DPP6: variants seen among roughly 807,000 people sequenced by gnomAD.
DPP6 encodes dipeptidyl peptidase like 6.
DPP6 carries 69 observed loss-of-function variants against 122.6 expected under a neutral mutation model. The ratio of observed to expected loss-of-function variants is 0.56; its 90% CI spans 0.46 to 0.69. The LOEUF (loss-of-function observed/expected upper bound fraction) is 0.69, where lower values mean the gene tolerates loss of function less well. Ranked by LOEUF, DPP6 falls within the 30% of genes least tolerant of loss-of-function variation. The pLI, the probability that DPP6 is intolerant of heterozygous loss-of-function variation, is 0.00. For synonymous variants in DPP6, 418 were observed against 433.1 expected (o/e 0.97, Z 0.43); for missense variants, 928 against 1,116.9 (o/e 0.83, Z 2.41).
rs1319722999 is a variant in DPP6, at chr7:154,247,012, G to T, written c.243+193949G>T. Among the ~76,000 whole-genome samples, 4 of 152,262 alleles carry T rather than the reference G, an allele frequency of 2.6e-5. No homozygotes were observed. The East Asian group carries it at 5.8e-4, about 22-fold the overall frequency. The stretch of plus-strand genomic sequence containing the variant: ...AAATTTCTGCTCATCAAAAGACATT[G>T]CTAAAATGAATCATCAAGGGCCAGG... On this transcript the variant is annotated intron_variant, in intron 1 of 25. Transcript: ENST00000377770.
intron 1 of DPP6, among the ~76,000 whole-genome samples, chr7:154,304,586 T>C (rs1406246882): frequency 6.6e-6 from 1 of 151,690 alleles, no homozygotes; most frequent in African/African-American, 2.4e-5. Context: ...CCTCTCTCTC[T>C]CTCCCTGTCT....
chr7:154,704,427 G>T (rs1422811598), intron 7 of DPP6, among the ~76,000 whole-genome samples: 1 of 152,198 alleles, frequency 6.6e-6, no homozygotes, highest in African/African-American at 2.4e-5. Context: ...GGGTTTGAAA[G>T]GACTGACTTC....
chr7:154,023,696 G>A (rs1370371508), intron 1 of DPP6, among the ~76,000 whole-genome samples: 2 of 151,890 alleles, frequency 1.3e-5, no homozygotes, highest in African/African-American at 4.8e-5. Context: ...TGGCCAGGCT[G>A]GTCTCGAACT....
intron 1 of DPP6, among the ~76,000 whole-genome samples, chr7:154,125,132 C>T (rs570026917): frequency 1.3e-5 from 2 of 152,278 alleles, no homozygotes; most frequent in Admixed American, 6.5e-5. Context: ...ACTAAAATGT[C>T]ACTAGGAGCA....
At chr7:153,766,586 ACT>A in the DPP6 span, among the ~76,000 whole-genome samples, 460 of 152,184 alleles carry the variant, frequency 3.0e-3, no homozygotes, top group African/African-American at 0.011. Flanking sequence ...TACAAGAGTG[ACT>A]CTAATAAAGA....
At chr7:153,930,673 T>G (rs1384587503) in intron 1 of DPP6, among the ~76,000 whole-genome samples, 3 of 152,190 alleles carry the variant, frequency 2.0e-5, no homozygotes, top group Non-Finnish European at 2.9e-5. Flanking sequence ...GCATAAAACA[T>G]GAGTGGTTCA....
chr7:154,807,575 C>G (rs1040487590), intron 16 of DPP6, among the ~76,000 whole-genome samples: 1 of 152,194 alleles, frequency 6.6e-6, no homozygotes, highest in African/African-American at 2.4e-5. Flanking sequence ...AATCCCAGCG[C>G]TTTGGGAGGC....
intron 7 of DPP6, among the ~76,000 whole-genome samples, chr7:154,688,116 G>T (rs1363335720): frequency 6.6e-6 from 1 of 152,186 alleles, no homozygotes; most frequent in Non-Finnish European, 1.5e-5. Context: ...TGGGCATGCT[G>T]CTCCTAAGAG....
upstream of DPP6, among the ~76,000 whole-genome samples, chr7:154,047,787 G>C (rs550839702): frequency 6.6e-6 from 1 of 152,240 alleles, no homozygotes; most frequent in South Asian, 2.1e-4. Context: ...CCAGAGAAGG[G>C]ACATGCATGA....
At chr7:154,591,345 C>G (rs569924465) in intron 5 of DPP6, among the ~76,000 whole-genome samples, 62 of 152,252 alleles carry the variant, frequency 4.1e-4, no homozygotes, top group African/African-American at 1.4e-3. Flanking sequence ...TGATGAGTAA[C>G]TGATGGTGAG....
the DPP6 span, among the ~76,000 whole-genome samples, chr7:153,874,356 A>C: frequency 6.6e-6 from 1 of 152,180 alleles, no homozygotes; most frequent in African/African-American, 2.4e-5. Context: ...GTAAAACTAA[A>C]TCATAAAATA....
chr7:153,928,224 T>G (rs1332105026), intron 1 of DPP6, among the ~76,000 whole-genome samples: 3 of 150,718 alleles, frequency 2.0e-5, no homozygotes, highest in Admixed American at 6.6e-5. Flanking sequence ...TTTCTTTTTT[T>G]TTTTTGAGAT....
Position 154,754,448 on chromosome 7 carries a change from A to G in DPP6, c.884-14969A>G, listed in dbSNP as rs187556154. 1.7e-3 allele frequency among the ~76,000 whole-genome samples: 255 copies of G among 152,356 alleles called. 3 individuals carry two copies. The highest frequency in any genetic ancestry group is 0.01 in the Middle Eastern group (3 of 294). The stretch of plus-strand genomic sequence containing the variant: ...GTCTAATTAGGATTCTAATTTCACA[A>G]TCTCAATTATTTTTAACTTTCTGGT... On this transcript the variant is annotated intron_variant, in intron 8 of 25. Transcript: ENST00000377770.
At chr7:154,293,368 C>T (rs1386293964) in intron 1 of DPP6, among the ~76,000 whole-genome samples, 1 of 152,118 alleles carries the variant, frequency 6.6e-6, no homozygotes, top group East Asian at 1.9e-4. Flanking sequence ...CAGTGATCCC[C>T]AAGTGTTTTA....
At chr7:153,981,219 T>C (rs1796567241) in intron 1 of DPP6, among the ~76,000 whole-genome samples, 1 of 152,234 alleles carries the variant, frequency 6.6e-6, no homozygotes, top group Admixed American at 6.5e-5. Flanking sequence ...GCTTTATGAA[T>C]CTGGGTGCTC....
chr7:154,388,775 G>A (rs1224975426), intron 1 of DPP6, among the ~76,000 whole-genome samples: 1 of 152,098 alleles, frequency 6.6e-6, no homozygotes, highest in Non-Finnish European at 1.5e-5. Flanking sequence ...GAGAACTGTG[G>A]GTTTATGCCT....
intron 5 of DPP6, among the ~76,000 whole-genome samples, chr7:154,599,251 T>G (rs898796984): frequency 9.9e-5 from 15 of 152,162 alleles, no homozygotes. Flanking sequence ...GGCCCCACAA[T>G]GGGGACAGAT....
At chr7:154,722,288 G>C (rs1271175925) in intron 7 of DPP6, among the ~76,000 whole-genome samples, 1 of 152,236 alleles carries the variant, frequency 6.6e-6, no homozygotes, top group African/African-American at 2.4e-5. Context: ...AGCTGGCCCA[G>C]GCCATGCAGC....
At chr7:153,998,171 T>C (rs2129044779) in intron 1 of DPP6, among the ~76,000 whole-genome samples, 1 of 152,184 alleles carries the variant, frequency 6.6e-6, no homozygotes, top group South Asian at 2.1e-4. Flanking sequence ...CACAAAGACG[T>C]ATCTCTAGAT....
Sources: gnomAD v4.1 joint callset for allele counts (sites outside exome capture counted in the v4.1 genomes callset) on GRCh38, gnomAD v4.1.1 for gene constraint, MANE v1.5 for transcripts, NCBI Gene and HGNC (gene_info 2026-07-23, HGNC 2026-07-21) for gene names.